PCDHGA1: variants seen among roughly 807,000 people sequenced by gnomAD.
PCDHGA1 encodes the protein protocadherin gamma subfamily A, 1, also known as protocadherin gamma-A1.
Under a neutral mutation model 58.0 loss-of-function variants are expected in PCDHGA1, and 32 were observed. The ratio of observed to expected loss-of-function variants is 0.55; its 90% CI spans 0.42 to 0.74. PCDHGA1 has a LOEUF of 0.74. PCDHGA1 is among the 30% of genes least tolerant of loss of function. The pLI is 0.00. For synonymous variants in PCDHGA1, 498 were observed against 501.1 expected (o/e 0.99, Z 0.08); for missense variants, 1,205 against 1,182.3 (o/e 1.02, Z -0.28).
chr5:141,348,977 A>G (rs1161921022), intron 1 of PCDHGA1, among the ~76,000 whole-genome samples: 2 of 152,176 alleles, frequency 1.3e-5, no homozygotes, highest in Admixed American at 6.5e-5. Flanking sequence ...TTGGGTGTCT[A>G]AGAACTCTGA....
chr5:141,464,273 A>G (rs1330533734), intron 1 of PCDHGA1, among the ~76,000 whole-genome samples: 1 of 136,736 alleles, frequency 7.3e-6, no homozygotes, highest in African/African-American at 3.0e-5. Context: ...TAAAAAAAAA[A>G]AAAAGCAAAA....
chr5:141,342,528 G>GATTT (rs1757174626), intron 1 of PCDHGA1: 1 of 152,008 alleles, frequency 6.6e-6, no homozygotes, highest in African/African-American at 2.4e-5. Flanking sequence ...GATTCTTTCC[G>GATTT]TTGCATTTGA....
At chr5:141,395,009 G>A (rs371216255) in intron 1 of PCDHGA1, 168 of 1,613,918 alleles carry the variant, frequency 1.0e-4, no homozygotes, top group Non-Finnish European at 1.4e-4. Flanking sequence ...GTGGCAGATT[G>A]GTAGGCGTGC....
intron 1 of PCDHGA1, chr5:141,365,256 A>G (rs1358600488): frequency 2.5e-6 from 4 of 1,613,864 alleles, no homozygotes; most frequent in Non-Finnish European, 3.4e-6. Context: ...TCACTGGACT[A>G]TGAAGAATCC....
chr5:141,446,757 G>A (rs769049265), intron 1 of PCDHGA1, among the ~76,000 whole-genome samples: 10 of 152,158 alleles, frequency 6.6e-5, no homozygotes, highest in African/African-American at 1.4e-4. Context: ...GTGAGCCACC[G>A]CGCCCAGCCG....
rs771155381 is a variant in PCDHGA1, at chr5:141,355,726, G to T, written c.2421+22621G>T. 5.6e-6 allele frequency: 9 copies of T among 1,613,978 alleles called. No individual in the cohort carries two copies. In the South Asian group the frequency reaches 9.9e-5, roughly 18 times the overall value. ...GCAGGGTTACCAGCTCAACTCAAAC[G>T]GTTACTTTTCCCTGGACGTGCAAAG... is the stretch of plus-strand genomic sequence containing the variant. On this transcript the variant is annotated intron_variant, in intron 1 of 3. Coordinates refer to ENST00000517417, the MANE Select transcript of PCDHGA1 (RefSeq NM_018912.3).
rs960036450 is a variant in PCDHGA1 at position 141,352,784 on chromosome 5, G to A, written c.2421+19679G>A. 1.8e-5 allele frequency: 19 copies of A among 1,081,118 alleles called. No homozygotes were observed. In the African/African-American group the frequency reaches 2.8e-4, roughly 16 times the overall value. The allele number at this position is 1,081,118 out of a possible 1,614,324, so 67.0% of individuals were successfully genotyped here. A position where few individuals can be genotyped will look rare whatever the true frequency, so the allele number is the denominator to read the frequency against. Reference sequence around the variant, plus strand: ...GCAGGTGGATCACTTGAGGTCAGGAGTTTGAGACCAGCATAGCCAAGATGG... The same window carrying A: ...GCAGGTGGATCACTTGAGGTCAGGAATTTGAGACCAGCATAGCCAAGATGG... On this transcript the variant is annotated intron_variant, in intron 1 of 3. Coordinates refer to ENST00000517417, the MANE Select transcript of PCDHGA1 (RefSeq NM_018912.3).
chr5:141,357,778 A>T, intron 1 of PCDHGA1: 3 of 896,478 alleles, frequency 3.3e-6, no homozygotes, highest in Non-Finnish European at 5.0e-6. Context: ...AATAATGATC[A>T]ACAGTATTTA....
chr5:141,450,733 C>T (rs886761152), intron 1 of PCDHGA1, among the ~76,000 whole-genome samples: 24 of 152,198 alleles, frequency 1.6e-4, no homozygotes, highest in African/African-American at 5.3e-4. Context: ...GTGATCCGCC[C>T]GCCTTGGCCT....
intron 1 of PCDHGA1, chr5:141,389,736 G>A: frequency 6.2e-7 from 1 of 1,612,710 alleles, no homozygotes; most frequent in Non-Finnish European, 8.5e-7. Flanking sequence ...CTTCAGCCTG[G>A]GGCTGCGCAC....
rs1395235006 is a variant in PCDHGA1 at position 141,360,862 on chromosome 5, A to G, written c.2421+27757A>G. 3.7e-6 allele frequency: 6 copies of G among 1,613,898 alleles called. No individual in the cohort carries two copies. In the African/African-American group the frequency reaches 6.7e-5, roughly 18 times the overall value. The stretch of plus-strand genomic sequence containing the variant: ...TGCCAACGATAACCCTCCAGTGTTC[A>G]GCCAGGACGTGTACAGGGTCACCCT... On this transcript the variant is annotated intron_variant, in intron 1 of 3. Transcript: ENST00000517417.
intron 1 of PCDHGA1, chr5:141,410,578 T>A (rs1432039651): frequency 6.2e-7 from 1 of 1,610,984 alleles, no homozygotes; most frequent in African/African-American, 1.3e-5. Context: ...TTCCACCTCA[T>A]GGTGGGGAGG....
chr5:141,398,545 C>T (rs774657005), intron 1 of PCDHGA1: 2 of 1,613,768 alleles, frequency 1.2e-6, no homozygotes, highest in Non-Finnish European at 1.7e-6. Flanking sequence ...TTCCTTTGAG[C>T]TGCAAATAAG....
At chr5:141,341,460 C>G (rs777325888) in intron 1 of PCDHGA1, 1 of 1,602,750 alleles carries the variant, frequency 6.2e-7, no homozygotes, top group East Asian at 2.2e-5. Context: ...TACTTGTTTA[C>G]TATATCTATT....
At chr5:141,364,465 CG>C in intron 1 of PCDHGA1, 1 of 1,613,982 alleles carries the variant, frequency 6.2e-7, no homozygotes, top group South Asian at 1.1e-5. Context: ...GCTCCTTCGT[CG>C]GCAACATAGC....
chr5:141,497,104 T>C (rs757158984), intron 2 of PCDHGA1, among the ~76,000 whole-genome samples: 44 of 151,910 alleles, frequency 2.9e-4, no homozygotes, highest in Non-Finnish European at 5.9e-4. Context: ...CAGAACTGCT[T>C]GAACCCGGAA....
At chr5:141,379,885 G>A (rs1386862862) in intron 1 of PCDHGA1, among the ~76,000 whole-genome samples, 2 of 89,210 alleles carry the variant, frequency 2.2e-5, no homozygotes, top group African/African-American at 8.6e-5. Context: ...GTCTGTGAAA[G>A]CCTCTTTTTT....
chr5:141,418,080 A>T (rs1590086455), intron 1 of PCDHGA1: 1 of 1,614,046 alleles, frequency 6.2e-7, no homozygotes, highest in East Asian at 2.2e-5. Flanking sequence ...GAGAAGCTGC[A>T]CTTCAGCGTA....
intron 1 of PCDHGA1, among the ~76,000 whole-genome samples, chr5:141,337,590 A>G (rs1352616194): frequency 2.0e-5 from 3 of 152,208 alleles, no homozygotes; most frequent in African/African-American, 7.2e-5. Flanking sequence ...TAGAGAAAAA[A>G]GGTAGAATGG....
Sources: allele counts gnomAD v4.1 joint callset (sites outside exome capture counted in the v4.1 genomes callset), GRCh38; gene constraint gnomAD v4.1.1; transcripts MANE v1.5; gene names NCBI Gene and HGNC (gene_info 2026-07-23, HGNC 2026-07-21).